The following SPATA17 variants were observed in gnomAD, a reference collection of about 807,000 sequenced individuals.
The protein encoded by SPATA17 is spermatogenesis associated 17.
SPATA17 carries 53 observed loss-of-function variants against 62.2 expected under a neutral mutation model. The ratio of observed to expected loss-of-function variants is 0.85; its 90% CI spans 0.68 to 1.07. SPATA17 has a LOEUF of 1.07. SPATA17 is among the 50% of genes least tolerant of loss of function. The pLI, the probability that SPATA17 is intolerant of heterozygous loss-of-function variation, is 0.00. For missense variants in SPATA17, 466 were observed against 425.5 expected (o/e 1.10, Z -0.84); for synonymous variants, 146 against 146.8 (o/e 0.99, Z 0.04).
chr1:217,703,173 C>CATTTTTTTTTTT lies in SPATA17; in HGVS notation c.395+19812_395+19813insATTTTTTTTTTT, dbSNP rs1558572175. Reference sequence around the variant, plus strand: ...TACAGGCGTGAGCCATTGCGCTCGGCCTTTTTTTTTTTTTTGAAATGGAGT... The same window carrying CATTTTTTTTTTT: ...TACAGGCGTGAGCCATTGCGCTCGGCATTTTTTTTTTTCTTTTTTTTTTTTTTGAAATGGAGT... On this transcript the variant is annotated intron_variant, in intron 5 of 10. Transcript: ENST00000366933. Among the ~76,000 whole-genome samples the CATTTTTTTTTTT allele has an allele frequency of 1.4e-3, 142 of 101,286 alleles. 4 individuals are homozygous for CATTTTTTTTTTT. The highest frequency in any genetic ancestry group is 0.015 in the Middle Eastern group (2 of 130). 66.4% of individuals were successfully genotyped at this position (101,286 alleles called of 152,430 possible). A position where few individuals can be genotyped will look rare whatever the true frequency, so the allele number is the denominator to read the frequency against.
chr1:217,631,838 T>G (rs142551213), intron 1 of SPATA17, among the ~76,000 whole-genome samples: 1 of 152,306 alleles, frequency 6.6e-6, no homozygotes, highest in African/African-American at 2.4e-5. Context: ...CCTCCGTTAT[T>G]TTACAAACAT....
At chr1:217,840,907 C>G (rs1233544248) in intron 9 of SPATA17, among the ~76,000 whole-genome samples, 1 of 151,632 alleles carries the variant, frequency 6.6e-6, no homozygotes, top group African/African-American at 2.4e-5. Flanking sequence ...TAATTTAGCT[C>G]TGCTTTAGAA....
At chr1:217,845,248 G>A (rs978020183) in intron 9 of SPATA17, among the ~76,000 whole-genome samples, 3 of 151,902 alleles carry the variant, frequency 2.0e-5, no homozygotes, top group Admixed American at 6.6e-5. Flanking sequence ...TCTTCCATAG[G>A]CCTATATAAT....
chr1:217,869,972 G>A lies in SPATA17; in HGVS notation c.*2953G>A, dbSNP rs1676098779. The stretch of plus-strand genomic sequence containing the variant: ...CGGACCATCTGTATATCTGAAAGAA[G>A]ATGAACCAAGACTTGGTTATTGTTA... On this transcript the variant is annotated 3_prime_UTR_variant, in exon 11 of 11. Coordinates refer to ENST00000366933, the MANE Select transcript of SPATA17 (RefSeq NM_138796.4). 1 of 152,172 alleles carries A rather than the reference G, an allele frequency of 6.6e-6. No individual in the cohort carries two copies. The highest frequency in any genetic ancestry group is 1.5e-5 in the Non-Finnish European group (1 of 68,024). The allele number at this position is 152,172 out of a possible 1,614,324, so 9.4% of individuals were successfully genotyped here. A position where few individuals can be genotyped will look rare whatever the true frequency, so the allele number is the denominator to read the frequency against.
At chr1:217,648,776 T>C in intron 1 of SPATA17, 106 bp from the exon 2 acceptor site, 1 of 571,656 alleles carries the variant, frequency 1.7e-6, no homozygotes, top group Non-Finnish European at 2.9e-6. Flanking sequence ...ACATTTGAAT[T>C]TATAATTATC....
intron 9 of SPATA17, among the ~76,000 whole-genome samples, chr1:217,826,411 A>G (rs1467930347): frequency 6.6e-6 from 1 of 152,110 alleles, no homozygotes; most frequent in African/African-American, 2.4e-5. Flanking sequence ...TTAGTCTGTA[A>G]CAGTTACTGT....
intron 1 of SPATA17, among the ~76,000 whole-genome samples, chr1:217,642,708 T>C (rs192281016): frequency 2.4e-4 from 37 of 152,320 alleles, no homozygotes; most frequent in Admixed American, 2.1e-3. Flanking sequence ...GTTCCTGCTT[T>C]GCATGCTGTT....
chr1:217,751,182 G>A (rs1427278409), intron 6 of SPATA17, among the ~76,000 whole-genome samples: 1 of 151,054 alleles, frequency 6.6e-6, no homozygotes, highest in Non-Finnish European at 1.5e-5. Context: ...GTATATAGAA[G>A]CATAAGGAAA....
chr1:217,663,020 C>T (rs530837753), intron 3 of SPATA17, among the ~76,000 whole-genome samples: 8 of 152,236 alleles, frequency 5.3e-5, no homozygotes, highest in African/African-American at 1.9e-4. Flanking sequence ...TTTAACAACA[C>T]ATTTTTATCA....
chr1:217,639,105 T>C (rs1442989284), intron 1 of SPATA17, among the ~76,000 whole-genome samples: 1 of 152,112 alleles, frequency 6.6e-6, no homozygotes, highest in African/African-American at 2.4e-5. Flanking sequence ...TAGAAAGGAT[T>C]ATCTGAGTCC....
At chr1:217,737,005 T>A (rs1164801746) in intron 5 of SPATA17, among the ~76,000 whole-genome samples, 1 of 152,036 alleles carries the variant, frequency 6.6e-6, no homozygotes, top group Admixed American at 6.6e-5. Flanking sequence ...AAAACTAATA[T>A]ATGTAATACA....
chr1:217,658,074 C>T (rs569985159), intron 3 of SPATA17, among the ~76,000 whole-genome samples: 1 of 152,270 alleles, frequency 6.6e-6, no homozygotes, highest in East Asian at 1.9e-4. Flanking sequence ...CTGGCCCCAC[C>T]CTTGACACAT....
In SPATA17 at chr1:217,782,241, T is replaced by C. The variant is rs1281205402; in HGVS notation, c.791T>C (p.Val264Ala). Reference protein sequence around the residue: ...RYRPLEPTLRVAEPIDELKLA... With the variant: ...RYRPLEPTLRAAEPIDELKLA... ...AGGCCTTTGGAGCCAACGTTGCGGG[T>C]GGCAGAACCAATCGATGAGTTAAAG... Residue 264 changes from valine to alanine, a missense_variant, in exon 8 of 11, where the codon GTG becomes GCG. By Grantham distance (64) the Val-to-Ala change is moderately conservative. Transcript: ENST00000366933. 1.2e-6 allele frequency: 2 copies of C among 1,612,672 alleles called. No homozygotes were observed. Among genetic ancestry groups the C allele is most frequent in the South Asian group, 2.2e-5 (2 of 90,958 alleles).
chr1:217,730,094 G>A (rs1407167105), intron 5 of SPATA17, among the ~76,000 whole-genome samples: 1 of 152,092 alleles, frequency 6.6e-6, no homozygotes, highest in African/African-American at 2.4e-5. Context: ...TTAACAAAAT[G>A]GAGAAACATT....
intron 9 of SPATA17, among the ~76,000 whole-genome samples, chr1:217,854,171 A>G (rs1019577922): frequency 2.0e-5 from 3 of 152,174 alleles, no homozygotes; most frequent in African/African-American, 2.4e-5. Context: ...TGGTTGAAGT[A>G]TGGCTGCTGG....
intron 5 of SPATA17, among the ~76,000 whole-genome samples, chr1:217,686,437 T>A (rs1671215875): frequency 6.6e-6 from 1 of 152,150 alleles, no homozygotes; most frequent in African/African-American, 2.4e-5. Flanking sequence ...TTTAGTCCAT[T>A]TCTCATTATT....
At chr1:217,685,448 T>C (rs1571730192) in intron 5 of SPATA17, among the ~76,000 whole-genome samples, 2 of 152,222 alleles carry the variant, frequency 1.3e-5, no homozygotes, top group East Asian at 3.8e-4. Flanking sequence ...AGTGTTGTAA[T>C]TTTATTTTAG....
chr1:217,751,159 A>G (rs1672896382), intron 6 of SPATA17, among the ~76,000 whole-genome samples: 1 of 152,198 alleles, frequency 6.6e-6, no homozygotes, highest in South Asian at 2.1e-4. Context: ...TACAAAGATA[A>G]AAACTAAGGC....
chr1:217,802,684 A>G (rs558615743), intron 9 of SPATA17, among the ~76,000 whole-genome samples: 2 of 152,198 alleles, frequency 1.3e-5, no homozygotes, highest in East Asian at 1.9e-4. Context: ...ACCTCCTTAC[A>G]GGTTCCGTCT....
Sources: allele counts gnomAD v4.1 joint callset (sites outside exome capture counted in the v4.1 genomes callset), GRCh38; gene constraint gnomAD v4.1.1; transcripts MANE v1.5; gene names NCBI Gene and HGNC (gene_info 2026-07-23, HGNC 2026-07-21).